UNC80: variants seen among roughly 807,000 people sequenced by gnomAD.
UNC80 encodes the protein unc-80 subunit of NALCN channel complex.
A neutral mutation model predicts 384.6 loss-of-function variants in UNC80; 164 were observed. That is an observed-to-expected ratio of 0.43 (90% CI 0.38 to 0.49). The LOEUF is 0.49. Among genes scored for constraint, UNC80 ranks in the 20% least tolerant of loss-of-function variants. The pLI is 0.00. For synonymous variants in UNC80, 1,486 were observed against 1,527.8 expected (o/e 0.97, Z 0.64); for missense variants, 3,330 against 4,143.0 (o/e 0.80, Z 5.39).
intron 4 of UNC80, among the ~76,000 whole-genome samples, chr2:209,783,025 C>T (rs562969465): frequency 2.0e-5 from 3 of 152,130 alleles, no homozygotes; most frequent in African/African-American, 7.2e-5. Flanking sequence ...GGATTTTAAC[C>T]AATCCATATG....
chr2:209,778,248 C>A (rs2076972841), intron 4 of UNC80, among the ~76,000 whole-genome samples: 1 of 151,984 alleles, frequency 6.6e-6, no homozygotes, highest in Non-Finnish European at 1.5e-5. Context: ...AATGAAAATA[C>A]AAAAATTAGC....
At chr2:209,849,723 T>C in intron 22 of UNC80, 100 bp downstream of exon 22, 1 of 1,272,372 alleles carries the variant, frequency 7.9e-7, no homozygotes, top group East Asian at 2.6e-5. Flanking sequence ...CCTGTGTTTG[T>C]TTGTTTGCTT....
intron 13 of UNC80, 87 bp from the exon 14 acceptor site, chr2:209,825,820 G>T (rs534675814): frequency 5.6e-6 from 7 of 1,240,178 alleles, no homozygotes; most frequent in African/African-American, 1.6e-5. Context: ...ATATAAACTT[G>T]ATTTAATCAT....
chr2:209,862,605 T>A (rs2083420433), intron 22 of UNC80, among the ~76,000 whole-genome samples: 2 of 151,686 alleles, frequency 1.3e-5, no homozygotes, highest in South Asian at 4.2e-4. Context: ...TGATCTTTGT[T>A]GGTTTAAAGT....
chr2:209,789,803 A>G (rs1055458744), intron 6 of UNC80, among the ~76,000 whole-genome samples, 198 bp downstream of exon 6: 1 of 151,740 alleles, frequency 6.6e-6, no homozygotes, highest in Non-Finnish European at 1.5e-5. Context: ...CAAAGCGTGC[A>G]GGTGTGGAAA....
chr2:209,940,938 A>AT (rs1190320129), intron 43 of UNC80, among the ~76,000 whole-genome samples: 4 of 152,204 alleles, frequency 2.6e-5, no homozygotes, highest in Non-Finnish European at 5.9e-5. Flanking sequence ...AGCTGAAATA[A>AT]TTTATTTTTC....
chr2:209,789,743 A>G, intron 6 of UNC80, 138 bp downstream of exon 6: 1 of 579,544 alleles, frequency 1.7e-6, no homozygotes, highest in Non-Finnish European at 3.0e-6. Flanking sequence ...AACTTTTAAC[A>G]GCTTCAGGTT....
In UNC80 at chr2:209,970,878, T is replaced by G; in HGVS notation, c.8177T>G (p.Leu2726Arg). Residue 2726 changes from leucine (L) to arginine (R), a missense_variant, in exon 54 of 65, where the codon CTT becomes CGT. Coordinates refer to ENST00000673920, the MANE Select transcript of UNC80 (RefSeq NM_001371986.1). The stretch of plus-strand genomic sequence containing the variant: ...TCCAGTGTTGCTGATGGATTACCCC[T>G]TCTTCATCTCAGCCCTTATCTCTCA... ...GPSSVADGLP[L>R]LHLSPYLSPP... 1 of 1,551,824 alleles carries G rather than the reference T, an allele frequency of 6.4e-7. No homozygotes were observed. The highest frequency in any genetic ancestry group is 8.7e-7 in the Non-Finnish European group (1 of 1,147,010).
At chr2:209,970,260 T>C in intron 53 of UNC80, 2 of 213,816 alleles carry the variant, frequency 9.4e-6, no homozygotes, top group Non-Finnish European at 1.9e-5. Flanking sequence ...AGGATATTTT[T>C]CTCTTATGGT....
intron 60 of UNC80, among the ~76,000 whole-genome samples, chr2:209,983,485 T>C (rs539582301): frequency 6.6e-6 from 1 of 152,124 alleles, no homozygotes; most frequent in African/African-American, 2.4e-5. Flanking sequence ...GAAAAGAAAG[T>C]CTTATACACA....
At chr2:209,987,021 T>C (rs1261477743) in intron 61 of UNC80, among the ~76,000 whole-genome samples, 1 of 152,164 alleles carries the variant, frequency 6.6e-6, no homozygotes, top group African/African-American at 2.4e-5. Context: ...ACTCCAACAC[T>C]GAGGACCTAA....
intron 7 of UNC80, among the ~76,000 whole-genome samples, chr2:209,807,702 C>A (rs1018244407): frequency 6.6e-6 from 1 of 151,728 alleles, no homozygotes; most frequent in Non-Finnish European, 1.5e-5. Context: ...AAATTTATTT[C>A]TCACATGTTA....
In UNC80 at chr2:209,831,658, G is replaced by A. The variant is rs554236379; in HGVS notation, c.2775+67G>A. 14 of 1,377,304 alleles carry A rather than the reference G, an allele frequency of 1.0e-5. 1 individual carries two copies. The highest frequency in any genetic ancestry group is 7.2e-5 in the South Asian group (4 of 55,844). The allele number at this position is 1,377,304 out of a possible 1,614,324, so 85.3% of individuals were successfully genotyped here. A position where few individuals can be genotyped will look rare whatever the true frequency, so the allele number is the denominator to read the frequency against. On this transcript the variant is annotated intron_variant, in intron 16 of 64. Coordinates refer to ENST00000673920, the MANE Select transcript of UNC80 (RefSeq NM_001371986.1). ...TGCCCTGAGAAAAGTACTCATTGTC[G>A]TGGCCATGAGTAAGAGAAGCTGAAA...
At chr2:209,995,129 T>C (rs549624144) in intron 64 of UNC80, among the ~76,000 whole-genome samples, 200 bp from the exon 65 acceptor site, 56 of 152,290 alleles carry the variant, frequency 3.7e-4, no homozygotes, top group African/African-American at 1.2e-3. Flanking sequence ...AGACAAAAAA[T>C]TGTGTTCATG....
In UNC80 at chr2:209,839,250, G is replaced by A; in HGVS notation, c.3070G>A (p.Gly1024Arg). Residue 1024 changes from glycine (G) to arginine (R), a missense_variant, in exon 19 of 65, where the codon GGG (glycine) becomes AGG (arginine). Physicochemically the swap from Gly to Arg is moderately radical, Grantham distance 125. Around this residue, in one of 8 missense-constraint regions of UNC80, gnomAD observed 801 missense variants for 950.8 expected, o/e 0.84. Coordinates refer to ENST00000673920, the MANE Select transcript of UNC80 (RefSeq NM_001371986.1). The surrounding 1 kb of genome is among the most constrained non-coding windows in gnomAD (Gnocchi z 4.1). ...HDEQMQGANL[G>R]RKDFWRKMFK... is the part of the protein sequence containing the mutation. ...TGAACAAATGCAAGGAGCCAACTTG[G>A]GGCGGAAAGATTTCTGGCGTAAGAT... The A allele has an allele frequency of 1.3e-6, 2 of 1,551,498 alleles. No individual in the cohort carries two copies. Among genetic ancestry groups the A allele is most frequent in the Middle Eastern group, 1.7e-4 (1 of 5,978 alleles).
In UNC80 at chr2:209,777,515, G is replaced by A; in HGVS notation, c.556G>A (p.Glu186Lys). The A allele has an allele frequency of 6.2e-7, 1 of 1,613,954 alleles. No individual in the cohort carries two copies. Among genetic ancestry groups the A allele is most frequent in the Non-Finnish European group, 8.5e-7 (1 of 1,179,880 alleles). ...KIFQNSMATV[E>K]LFVFLFAPLV... Reference sequence around the variant, plus strand: ...CTTCCAGAACTCCATGGCTACTGTGGAGCTCTTCGTGTTTCTGTTTGCTCC... The same window carrying A: ...CTTCCAGAACTCCATGGCTACTGTGAAGCTCTTCGTGTTTCTGTTTGCTCC... The change falls in exon 4 of 65, where the codon GAG becomes AAG. Residue 186 changes from glutamate to lysine, a missense_variant. Glu to Lys is a moderately conservative substitution (Grantham distance 56). Around this residue, in one of 8 missense-constraint regions of UNC80, gnomAD observed 937 missense variants for 1,026.8 expected, o/e 0.91. Coordinates refer to ENST00000673920, the MANE Select transcript of UNC80 (RefSeq NM_001371986.1).
At chr2:209,962,504 G>A (rs1376865858) in intron 51 of UNC80, among the ~76,000 whole-genome samples, 1 of 152,164 alleles carries the variant, frequency 6.6e-6, no homozygotes, top group Non-Finnish European at 1.5e-5. Flanking sequence ...TACATGGCTG[G>A]ATGCCTGTTA....
At position 209,777,278 on chromosome 2, in the gene UNC80, G is replaced by A. The variant is rs769106085; in HGVS notation, c.319G>A (p.Val107Ile). ...TGCAGGCCACCAGGATAAATTGGGTGTTGCTGAGACAAAGCTCCTTCACAC... is the reference window on the plus strand; with the variant it reads ...TGCAGGCCACCAGGATAAATTGGGTATTGCTGAGACAAAGCTCCTTCACAC... ...NKLGHQDKLG[V>I]AETKLLHTLH... The change falls in exon 4 of 65, where the codon GTT (valine) becomes ATT (isoleucine). Residue 107 changes from valine (V) to isoleucine (I), a missense_variant. Physicochemically the swap from Val to Ile is conservative, Grantham distance 29 (BLOSUM62 3). Transcript: ENST00000673920. 3 of 1,598,936 alleles carry A rather than the reference G, an allele frequency of 1.9e-6. No homozygotes were observed. The highest frequency in any genetic ancestry group is 2.6e-6 in the Non-Finnish European group (3 of 1,173,946).
At chr2:209,934,476 C>T (rs1157551323) in intron 39 of UNC80, among the ~76,000 whole-genome samples, 3 of 152,264 alleles carry the variant, frequency 2.0e-5, no homozygotes, top group Non-Finnish European at 2.9e-5. Flanking sequence ...ACTCAAGATA[C>T]GGTTCCTTTT....
Sources: gnomAD v4.1 joint callset for allele counts (sites outside exome capture counted in the v4.1 genomes callset) on GRCh38, gnomAD v4.1.1 for gene constraint, gnomAD v4.1.1 regional missense constraint, Gnocchi (gnomAD v3.1) non-coding constraint, MANE v1.5 for transcripts, NCBI Gene and HGNC (gene_info 2026-07-23, HGNC 2026-07-21) for gene names.